The following LPAR1 variants were observed in gnomAD, a reference collection of about 807,000 sequenced individuals.
LPAR1 encodes lysophosphatidic acid receptor 1, also known as LPA receptor 1.
LPAR1 carries 5 observed loss-of-function variants against 23.8 expected under a neutral mutation model. The ratio of observed to expected loss-of-function variants is 0.21; its 90% confidence interval spans 0.11 to 0.44. The LOEUF is 0.44. LPAR1 is among the 20% of genes least tolerant of loss of function. The pLI is 0.99. For synonymous variants in LPAR1, 160 were observed against 164.7 expected (o/e 0.97, Z 0.22); for missense variants, 311 against 482.8 (o/e 0.64, Z 3.33).
At chr9:110,923,992 A>G (rs2093822449) in intron 5 of LPAR1, among the ~76,000 whole-genome samples, 1 of 152,212 alleles carries the variant, frequency 6.6e-6, no homozygotes, top group South Asian at 2.1e-4. Flanking sequence ...AAATCCTTAA[A>G]AAGTTTCCAT....
intron 5 of LPAR1, among the ~76,000 whole-genome samples, chr9:110,933,275 C>G (rs571205101): frequency 6.6e-6 from 1 of 152,118 alleles, no homozygotes; most frequent in South Asian, 2.1e-4. Context: ...TCAAATTATA[C>G]GTGGACTTGG....
At chr9:111,018,811 ATAAAAGTTG>A (rs2097505080) in intron 2 of LPAR1, among the ~76,000 whole-genome samples, 1 of 152,252 alleles carries the variant, frequency 6.6e-6, no homozygotes, top group East Asian at 1.9e-4. Flanking sequence ...CGGAAATTAC[ATAAAAGTTG>A]TTGAGTACAA....
intron 2 of LPAR1, among the ~76,000 whole-genome samples, chr9:111,017,368 T>G (rs1404375005): frequency 6.6e-6 from 1 of 152,206 alleles, no homozygotes; most frequent in Non-Finnish European, 1.5e-5. Flanking sequence ...CTGAGTTTTT[T>G]GAAGGTGGGC....
chr9:110,925,527 C>A (rs1207065347), intron 5 of LPAR1, among the ~76,000 whole-genome samples: 1 of 152,134 alleles, frequency 6.6e-6, no homozygotes, highest in Non-Finnish European at 1.5e-5. Flanking sequence ...GATAAATATA[C>A]AAACTAACGA....
chr9:110,984,615 ATGG>A (rs1277140783), intron 2 of LPAR1, among the ~76,000 whole-genome samples: 1 of 152,070 alleles, frequency 6.6e-6, no homozygotes, highest in East Asian at 1.9e-4. Flanking sequence ...GCTGGATCAT[ATGG>A]TATAATTAAG....
intron 4 of LPAR1, among the ~76,000 whole-genome samples, chr9:110,965,440 C>G (rs2096180641): frequency 6.6e-6 from 1 of 152,070 alleles, no homozygotes; most frequent in Non-Finnish European, 1.5e-5. Flanking sequence ...GAAAAAACAA[C>G]CCCATCAAAA....
chr9:110,879,794 G>A (rs2080222255), intron 5 of LPAR1, among the ~76,000 whole-genome samples: 1 of 152,208 alleles, frequency 6.6e-6, no homozygotes, highest in Admixed American at 6.5e-5. Context: ...AGCAGCACTG[G>A]GAAGAGATAT....
chr9:111,009,692 G>T (rs1020407064), intron 2 of LPAR1, among the ~76,000 whole-genome samples: 2 of 151,444 alleles, frequency 1.3e-5, no homozygotes, highest in Admixed American at 6.6e-5. Flanking sequence ...AAATAATACT[G>T]GGCATATATA....
intron 2 of LPAR1, among the ~76,000 whole-genome samples, chr9:111,022,025 A>G (rs1045573555): frequency 1.3e-5 from 2 of 149,562 alleles, no homozygotes; most frequent in African/African-American, 4.9e-5. Flanking sequence ...CCATTCTTCC[A>G]TGTTGTAATG....
intron 5 of LPAR1, among the ~76,000 whole-genome samples, chr9:110,906,837 A>T (rs2091349100): frequency 6.6e-6 from 1 of 152,110 alleles, no homozygotes; most frequent in South Asian, 2.1e-4. Context: ...TGTAAAACCA[A>T]AGTTTCTATG....
At chr9:110,894,365 T>C in intron 5 of LPAR1, among the ~76,000 whole-genome samples, 1 of 152,098 alleles carries the variant, frequency 6.6e-6, no homozygotes, top group African/African-American at 2.4e-5. Flanking sequence ...TCAATATCCT[T>C]ATCTGTCAAA....
chr9:110,901,537 AGAGT>A (rs899006838), intron 5 of LPAR1, among the ~76,000 whole-genome samples: 1 of 152,168 alleles, frequency 6.6e-6, no homozygotes, highest in African/African-American at 2.4e-5. Flanking sequence ...CAGGCAAGAG[AGAGT>A]GTGTGCAGGG....
At chr9:110,891,018 A>G (rs2133197040) in intron 5 of LPAR1, among the ~76,000 whole-genome samples, 1 of 152,368 alleles carries the variant, frequency 6.6e-6, no homozygotes, top group Non-Finnish European at 1.5e-5. Flanking sequence ...TTCCACTAAT[A>G]TAAGGGATAA....
At position 110,941,691 on chromosome 9, in the gene LPAR1, C is replaced by T. The variant is rs758486382; in HGVS notation, c.523G>A (p.Ala175Thr). The T allele has an allele frequency of 1.9e-6, 3 of 1,614,162 alleles. No homozygotes were observed. Among genetic ancestry groups the T allele is most frequent in the South Asian group, 1.1e-5 (1 of 91,082 alleles). Residue 175 changes from alanine (A) to threonine (T), a missense_variant, in exon 5 of 6, where the codon GCC becomes ACC. Ala to Thr is a moderately conservative substitution (Grantham distance 58). Transcript: ENST00000683809. This position sits in a 1 kb window ranked among gnomAD's most constrained non-coding sequence, Gnocchi z 6.1. ...CTGGGTATAGCACCCATAACGATGG[C>T]CATAGTCCAGATGACCACAATGACC... Reference protein sequence around the residue: ...VVVIVVIWTMAIVMGAIPSVG... With the variant: ...VVVIVVIWTMTIVMGAIPSVG...
At chr9:110,902,831 C>T (rs80339553) in intron 5 of LPAR1, among the ~76,000 whole-genome samples, 3,447 of 152,252 alleles carry the variant, frequency 0.023, 141 homozygotes, top group African/African-American at 0.075. Context: ...TGTTTGTATT[C>T]CCTCTACCTC....
intron 5 of LPAR1, among the ~76,000 whole-genome samples, chr9:110,880,599 A>G (rs2080482042): frequency 6.6e-6 from 1 of 152,226 alleles, no homozygotes; most frequent in African/African-American, 2.4e-5. Flanking sequence ...TGTTTTTACA[A>G]AAGAACCAGA....
At chr9:110,982,480 G>A (rs892293446) in intron 2 of LPAR1, among the ~76,000 whole-genome samples, 6 of 151,958 alleles carry the variant, frequency 3.9e-5, no homozygotes, top group African/African-American at 1.5e-4. Flanking sequence ...CTGTCAGGGG[G>A]TGATGGACTA....
At chr9:110,972,341 A>C (rs1222373745) in intron 3 of LPAR1, 121 bp from the exon 4 acceptor site, 1 of 520,038 alleles carries the variant, frequency 1.9e-6, no homozygotes, top group Non-Finnish European at 3.4e-6. Flanking sequence ...AGCTTAATGC[A>C]AACAGAAAGC....
intron 2 of LPAR1, among the ~76,000 whole-genome samples, chr9:111,032,718 G>A (rs1191755497): frequency 6.6e-6 from 1 of 152,146 alleles, no homozygotes; most frequent in East Asian, 1.9e-4. Context: ...CTAATCTAGA[G>A]CATTGTTTAG....
Sources: gnomAD v4.1 joint callset for allele counts (sites outside exome capture counted in the v4.1 genomes callset) on GRCh38, gnomAD v4.1.1 for gene constraint, Gnocchi (gnomAD v3.1) non-coding constraint, MANE v1.5 for transcripts, NCBI Gene and HGNC (gene_info 2026-07-23, HGNC 2026-07-21) for gene names.